The following MRPS27 variants were observed in gnomAD, a reference collection of about 807,000 sequenced individuals.
MRPS27 encodes small ribosomal subunit protein mS27.
A neutral mutation model predicts 48.9 loss-of-function variants in MRPS27; 43 were observed. The ratio of observed to expected loss-of-function variants is 0.88; its 90% CI spans 0.69 to 1.13. MRPS27 has a LOEUF of 1.13. Ranked by LOEUF, MRPS27 falls within the 50% of genes most tolerant of loss-of-function variation. The pLI is 0.00. For synonymous variants in MRPS27, 188 were observed against 171.9 expected, an observed-to-expected ratio of 1.09 and a Z score of -0.73; for missense variants, 467 against 476.3, an observed-to-expected ratio of 0.98 and a Z score of 0.18.
At chr5:72,227,910 TA>T in intron 8 of MRPS27, 1 of 306,680 alleles carries the variant, frequency 3.3e-6, no homozygotes, top group South Asian at 1.4e-4. Context: ...ACTTTAGATC[TA>T]AAGAGACAGA....
chr5:72,228,371 G>C lies in MRPS27; in HGVS notation c.592-3C>G, dbSNP rs750355347. On this transcript the variant is annotated splice_region_variant and splice_polypyrimidine_tract_variant and intron_variant, in intron 7 of 10. Transcript: ENST00000261413. Reference sequence around the variant, plus strand: ...CCAAAGTTCCTCTCCTCTTCCCACTGCAACAGAATATACTGGATCATGATC... The same window carrying C: ...CCAAAGTTCCTCTCCTCTTCCCACTCCAACAGAATATACTGGATCATGATC... 22 of 1,599,586 alleles carry C rather than the reference G, an allele frequency of 1.4e-5. No homozygotes were observed. Among genetic ancestry groups the C allele is most frequent in the Non-Finnish European group, 1.9e-5 (22 of 1,168,014 alleles).
intron 4 of MRPS27, among the ~76,000 whole-genome samples, chr5:72,294,238 G>T (rs1369421032): frequency 6.7e-6 from 1 of 149,154 alleles, no homozygotes; most frequent in African/African-American, 2.5e-5. Flanking sequence ...AGAGAAAAAC[G>T]AATACATTTT....
At chr5:72,314,419 G>T in intron 1 of MRPS27, 1 of 274,236 alleles carries the variant, frequency 3.6e-6, no homozygotes, top group South Asian at 5.9e-5. Flanking sequence ...TTGCTATAAT[G>T]CCCAGGCTGG....
At chr5:72,225,968 G>T in intron 9 of MRPS27, 89 bp downstream of exon 9, 1 of 1,440,200 alleles carries the variant, frequency 6.9e-7, no homozygotes. Flanking sequence ...GAAAGTAGGG[G>T]TAGTGGAAAG....
In MRPS27 at chr5:72,279,655, CAACAAAACAA is replaced by C. The variant is rs374116282; in HGVS notation, c.281+15866_281+15875del. ...AAAAACCATTCTGAATCATGGAAGA[CAACAAAACAA>C]AACAAAACAAAATAAAACAAAAACA... On this transcript the variant is annotated intron_variant, in intron 4 of 10. Transcript: ENST00000261413. Among the ~76,000 whole-genome samples the C allele has an allele frequency of 4.0e-5, 6 of 151,864 alleles. No homozygotes were observed. In the East Asian group the frequency reaches 9.6e-4, roughly 24 times the overall value.
At chr5:72,228,644 A>T (rs1338680218) in intron 7 of MRPS27, 1 of 288,184 alleles carries the variant, frequency 3.5e-6, no homozygotes, top group African/African-American at 2.2e-5. Context: ...ATTATTTTCC[A>T]AAAATTTGGC....
chr5:72,241,448 A>ATCTTTT (rs1748347521), intron 4 of MRPS27: 11 of 559,224 alleles, frequency 2.0e-5, no homozygotes, highest in Admixed American at 1.3e-4. Flanking sequence ...TCAGCATTAA[A>ATCTTTT]AAGATAAACT....
intron 4 of MRPS27, among the ~76,000 whole-genome samples, chr5:72,270,333 A>C (rs149667316): frequency 1.3e-5 from 2 of 151,736 alleles, no homozygotes; most frequent in East Asian, 3.9e-4. Flanking sequence ...TCAGTAAGAC[A>C]AGACCAATAA....
intron 2 of MRPS27, among the ~76,000 whole-genome samples, chr5:72,306,734 AGTAT>A (rs1750277938): frequency 6.6e-6 from 1 of 152,256 alleles, no homozygotes; most frequent in South Asian, 2.1e-4. Context: ...TTTTTAGAAT[AGTAT>A]GATTAATTAC....
intron 4 of MRPS27, among the ~76,000 whole-genome samples, chr5:72,284,475 T>A (rs547955997): frequency 6.2e-4 from 92 of 147,650 alleles, no homozygotes; most frequent in Middle Eastern, 3.6e-3. Flanking sequence ...TGTGTGTGTG[T>A]GAGAGAGAGA....
At chr5:72,241,373 C>G in intron 4 of MRPS27, 2 of 516,976 alleles carry the variant, frequency 3.9e-6, no homozygotes, top group Non-Finnish European at 6.9e-6. Flanking sequence ...ATAAAATATG[C>G]TGCCCAAAAT....
intron 4 of MRPS27, among the ~76,000 whole-genome samples, chr5:72,281,994 A>G (rs1361419235): frequency 6.6e-6 from 1 of 152,194 alleles, no homozygotes; most frequent in Non-Finnish European, 1.5e-5. Context: ...AGCTTTGCCT[A>G]TTACTAGGTA....
At chr5:72,281,562 T>C (rs564042189) in intron 4 of MRPS27, among the ~76,000 whole-genome samples, 1 of 152,252 alleles carries the variant, frequency 6.6e-6, no homozygotes, top group Admixed American at 6.5e-5. Flanking sequence ...AGTTTATGAG[T>C]GTAGCAGAAT....
chr5:72,255,527 C>T (rs1231198350), intron 4 of MRPS27, among the ~76,000 whole-genome samples: 2 of 152,156 alleles, frequency 1.3e-5, no homozygotes, highest in African/African-American at 4.8e-5. Flanking sequence ...ACAATTCTTT[C>T]CTCTTTAGTC....
intron 4 of MRPS27, among the ~76,000 whole-genome samples, chr5:72,245,309 T>C (rs1424029835): frequency 6.6e-6 from 1 of 152,220 alleles, no homozygotes; most frequent in East Asian, 1.9e-4. Context: ...GAACCAGTCC[T>C]GTTTATAAAA....
intron 4 of MRPS27, among the ~76,000 whole-genome samples, chr5:72,259,418 A>G (rs1405254515): frequency 3.3e-5 from 5 of 151,668 alleles, no homozygotes; most frequent in Non-Finnish European, 5.9e-5. Flanking sequence ...CAGTGAGCCA[A>G]GATCATGCCA....
rs1480704299 is a variant in MRPS27 at position 72,242,635 on chromosome 5, C to T, written c.282-4507G>A. On this transcript the variant is annotated intron_variant, in intron 4 of 10. Transcript: ENST00000261413. ...ATGTCTTGAGGCCAGGAGTTTGAGA[C>T]CAGTCTAGGCAACACAGCGAGACCC... 3.4e-5 allele frequency among the ~76,000 whole-genome samples: 5 copies of T among 146,000 alleles called. No individual in the cohort carries two copies. In the East Asian group the frequency reaches 1.0e-3, roughly 29 times the overall value.
intron 1 of MRPS27, among the ~76,000 whole-genome samples, chr5:72,317,264 A>G (rs1202734347): frequency 3.9e-5 from 6 of 152,356 alleles, no homozygotes; most frequent in African/African-American, 7.2e-5. Context: ...CTAGAATAAT[A>G]TATCTAAATT....
At position 72,236,444 on chromosome 5, in the gene MRPS27, T is replaced by C. The variant is rs148958815; in HGVS notation, c.396+1570A>G. 3.7e-3 allele frequency among the ~76,000 whole-genome samples: 568 copies of C among 152,318 alleles called. 1 individual carries two copies. The highest frequency in any genetic ancestry group is 0.013 in the African/African-American group (552 of 41,578). On this transcript the variant is annotated intron_variant, in intron 5 of 10. Transcript: ENST00000261413. ...GATCTTCTGATTTCTAGTTTGATGTTCTTTCCACTAAAAGACTCAAGAAGC... is the reference window on the plus strand; with the variant it reads ...GATCTTCTGATTTCTAGTTTGATGTCCTTTCCACTAAAAGACTCAAGAAGC...
Sources: allele counts gnomAD v4.1 joint callset (sites outside exome capture counted in the v4.1 genomes callset), GRCh38; gene constraint gnomAD v4.1.1; transcripts MANE v1.5; gene names NCBI Gene and HGNC (gene_info 2026-07-23, HGNC 2026-07-21).